GPHN: variants seen among roughly 807,000 people sequenced by gnomAD.
GPHN encodes gephyrin.
GPHN carries 17 observed loss-of-function variants against 95.5 expected under a neutral mutation model. The observed-to-expected ratio is 0.18, with a 90% CI of 0.12 to 0.27. GPHN has a LOEUF of 0.27. Ranked by LOEUF, GPHN falls within the 10% of genes least tolerant of loss-of-function variation. GPHN has a pLI of 1.00. For missense variants in GPHN, 660 were observed against 978.1 expected (o/e 0.67, Z 4.34); for synonymous variants, 320 against 322.5 (o/e 0.99, Z 0.08).
intron 10 of GPHN, among the ~76,000 whole-genome samples, chr14:67,026,449 C>T (rs1018428488): frequency 6.6e-6 from 1 of 152,112 alleles, no homozygotes; most frequent in African/African-American, 2.4e-5. Context: ...TACTTTTCTA[C>T]ATGGTTCATC....
At chr14:66,801,362 TG>T (rs1419234226) in intron 3 of GPHN, among the ~76,000 whole-genome samples, 1 of 152,206 alleles carries the variant, frequency 6.6e-6, no homozygotes, top group African/African-American at 2.4e-5. Flanking sequence ...CCAAATATTA[TG>T]AAAGGACCTG....
intron 1 of GPHN, among the ~76,000 whole-genome samples, chr14:66,522,612 C>G (rs1207811598): frequency 6.6e-6 from 1 of 152,066 alleles, no homozygotes; most frequent in Non-Finnish European, 1.5e-5. Flanking sequence ...AAATGGTGGT[C>G]TTTCCCCTGC....
rs182323836 is a variant in GPHN, at chr14:66,621,332, G to A, written c.65-59775G>A. 3.3e-5 allele frequency among the ~76,000 whole-genome samples: 5 copies of A among 151,558 alleles called. No homozygotes were observed. The East Asian group carries it at 7.8e-4, about 24-fold the overall frequency. The stretch of plus-strand genomic sequence containing the variant: ...GGATTTCACCATGTTAGCCAGGATG[G>A]TCTCTATCTCCTGACCTCGTGATCC... On this transcript the variant is annotated intron_variant, in intron 1 of 22. Coordinates refer to ENST00000478722, the MANE Select transcript of GPHN (RefSeq NM_020806.5).
At chr14:67,019,643 C>T (rs1368514350) in intron 9 of GPHN, among the ~76,000 whole-genome samples, 1 of 152,086 alleles carries the variant, frequency 6.6e-6, no homozygotes, top group Non-Finnish European at 1.5e-5. Flanking sequence ...TTCTCTCCTC[C>T]CTCACTTCTG....
chr14:67,474,914 C>CTTT, the GPHN span, among the ~76,000 whole-genome samples: 4,726 of 124,908 alleles, frequency 0.038, 400 homozygotes, highest in African/African-American at 0.14. Context: ...GAATTTCCTT[C>CTTT]TTTTTTTTTT....
chr14:67,514,671 AC>A, the GPHN span, among the ~76,000 whole-genome samples: 5 of 151,144 alleles, frequency 3.3e-5, no homozygotes, highest in Non-Finnish European at 7.4e-5. Context: ...CCAGACTGTC[AC>A]CCCCCTCCAC....
At chr14:66,896,962 A>G (rs573211388) in intron 5 of GPHN, among the ~76,000 whole-genome samples, 1 of 152,254 alleles carries the variant, frequency 6.6e-6, no homozygotes, top group Non-Finnish European at 1.5e-5. Flanking sequence ...GTATACCTTC[A>G]TGTTTATCTG....
At chr14:67,579,098 C>G in the GPHN span, 1 of 1,463,448 alleles carries the variant, frequency 6.8e-7, no homozygotes, top group South Asian at 1.2e-5. Flanking sequence ...CAGAGATGAG[C>G]AGAGCCCATA....
chr14:67,608,605 G>A, the GPHN span, among the ~76,000 whole-genome samples: 4 of 152,190 alleles, frequency 2.6e-5, no homozygotes, highest in African/African-American at 7.2e-5. Context: ...GATGCCGAAT[G>A]AATCTGAATT....
intron 2 of GPHN, among the ~76,000 whole-genome samples, chr14:66,761,657 T>C (rs2058758456): frequency 6.6e-6 from 1 of 151,276 alleles, no homozygotes; most frequent in South Asian, 2.1e-4. Flanking sequence ...AAATACTCAG[T>C]TCTTTTTTTT....
chr14:66,593,218 A>G (rs2061831850), intron 1 of GPHN, among the ~76,000 whole-genome samples: 1 of 152,102 alleles, frequency 6.6e-6, no homozygotes, highest in South Asian at 2.1e-4. Flanking sequence ...TGATGGGTGC[A>G]GCAAACCACC....
the GPHN span, chr14:67,590,195 G>A: frequency 6.5e-7 from 1 of 1,543,556 alleles, no homozygotes; most frequent in Non-Finnish European, 8.7e-7. Context: ...GGGGAGAAAT[G>A]CGGAGTCAAG....
At chr14:66,510,528 A>G (rs2058002759) in intron 1 of GPHN, among the ~76,000 whole-genome samples, 1 of 152,244 alleles carries the variant, frequency 6.6e-6, no homozygotes, top group Admixed American at 6.5e-5. Flanking sequence ...TACGCAAACA[A>G]ATGAAGAAAC....
chr14:66,532,534 AG>A (rs1346123659), intron 1 of GPHN, among the ~76,000 whole-genome samples: 6 of 152,198 alleles, frequency 3.9e-5, no homozygotes, highest in South Asian at 2.1e-4. Flanking sequence ...AGACTACCCA[AG>A]GGTGTAAATG....
At chr14:67,345,008 G>A in the GPHN span, among the ~76,000 whole-genome samples, 2 of 152,144 alleles carry the variant, frequency 1.3e-5, no homozygotes, top group African/African-American at 4.8e-5. Flanking sequence ...TTGGAAGGAT[G>A]AGGCGGGCTG....
the GPHN span, among the ~76,000 whole-genome samples, chr14:67,196,267 A>C: frequency 6.8e-6 from 1 of 148,062 alleles, no homozygotes. Context: ...CCCAGCCTGC[A>C]GTGCATTGGC....
chr14:66,660,212 T>G (rs2065561160), intron 1 of GPHN, among the ~76,000 whole-genome samples: 1 of 152,124 alleles, frequency 6.6e-6, no homozygotes, highest in Non-Finnish European at 1.5e-5. Context: ...GAAATATTTC[T>G]TGTACGTACA....
intron 1 of GPHN, among the ~76,000 whole-genome samples, chr14:66,535,707 A>G (rs1352344058): frequency 2.0e-5 from 3 of 152,082 alleles, no homozygotes; most frequent in African/African-American, 7.2e-5. Flanking sequence ...AGCTATTTTA[A>G]TGTTTTGAAA....
the GPHN span, among the ~76,000 whole-genome samples, chr14:67,644,750 G>A: frequency 2.8e-3 from 431 of 152,276 alleles, 2 homozygotes; most frequent in African/African-American, 9.1e-3. Context: ...TGTAATCCTA[G>A]CACTTTGGGA....
Sources: allele counts gnomAD v4.1 joint callset (sites outside exome capture counted in the v4.1 genomes callset), GRCh38; gene constraint gnomAD v4.1.1; transcripts MANE v1.5; gene names NCBI Gene and HGNC (gene_info 2026-07-23, HGNC 2026-07-21).